Variants in PRKCH observed in about 807,000 individuals in gnomAD.
PRKCH encodes protein kinase C eta, also known as protein kinase C eta type.
In PRKCH, 28 loss-of-function variants were observed where a neutral mutation model predicts 82.5. That is an observed-to-expected ratio of 0.34 (90% CI 0.25 to 0.47). PRKCH has a LOEUF of 0.47. Ranked by LOEUF, PRKCH falls within the 20% of genes least tolerant of loss-of-function variation. PRKCH has a pLI of 1.00. For missense variants in PRKCH, 705 were observed against 881.8 expected (o/e 0.80, Z 2.54); for synonymous variants, 322 against 327.4 (o/e 0.98, Z 0.18).
At chr14:61,471,182 G>A (rs944070472) in intron 9 of PRKCH, among the ~76,000 whole-genome samples, 2 of 152,258 alleles carry the variant, frequency 1.3e-5, no homozygotes, top group African/African-American at 4.8e-5. Context: ...AGTGGCCCAT[G>A]GACCTGCCTG....
rs1247461197 is a variant in PRKCH, at chr14:61,500,247, A to G, written c.1433+14591A>G. Among the ~76,000 whole-genome samples the G allele has an allele frequency of 3.3e-5, 5 of 151,978 alleles. No individual in the cohort carries two copies. In the East Asian group the frequency reaches 9.7e-4, roughly 29 times the overall value. ...GAGACACGGTCTCCCTCTGTTGCCCAGGCTGGAGTGCAGCGGTGCAGCTCA... is the reference window on the plus strand; with the variant it reads ...GAGACACGGTCTCCCTCTGTTGCCCGGGCTGGAGTGCAGCGGTGCAGCTCA... On this transcript the variant is annotated intron_variant, in intron 10 of 13. Transcript: ENST00000332981.
In PRKCH at chr14:61,540,274, C is replaced by T. The variant is rs191337869; in HGVS notation, c.1762-7469C>T. ...CATGAGCCAGCAAAGAAGTACAACA[C>T]AAGGAAACACACAGAGTGCGTGAAT... On this transcript the variant is annotated intron_variant, in intron 12 of 13. Coordinates refer to ENST00000332981, the MANE Select transcript of PRKCH (RefSeq NM_006255.5). Among the ~76,000 whole-genome samples the T allele has an allele frequency of 3.5e-4, 54 of 152,326 alleles. 1 individual carries two copies. The highest frequency in any genetic ancestry group is 6.8e-3 in the Middle Eastern group (2 of 294).
intron 9 of PRKCH, among the ~76,000 whole-genome samples, chr14:61,484,930 C>T (rs1192252615): frequency 6.6e-6 from 1 of 151,668 alleles, no homozygotes; most frequent in Non-Finnish European, 1.5e-5. Flanking sequence ...TGCTATATTG[C>T]CCAGGCTGGT....
chr14:61,366,637 T>C (rs569356127), intron 1 of PRKCH, among the ~76,000 whole-genome samples: 1 of 152,242 alleles, frequency 6.6e-6, no homozygotes, highest in South Asian at 2.1e-4. Flanking sequence ...ATTTCAACTG[T>C]ACTGTTAATT....
intron 9 of PRKCH, among the ~76,000 whole-genome samples, chr14:61,471,679 A>T (rs1293640439): frequency 6.6e-6 from 1 of 152,064 alleles, no homozygotes; most frequent in Non-Finnish European, 1.5e-5. Context: ...ATTAAAAAAA[A>T]AATCACTGAT....
At chr14:61,286,174 AG>A (rs1000572530) in intron 1 of PRKCH, among the ~76,000 whole-genome samples, 1 of 152,226 alleles carries the variant, frequency 6.6e-6, no homozygotes, top group African/African-American at 2.4e-5. Flanking sequence ...ATACTGCTCA[AG>A]ATTGTTGCCT....
chr14:61,463,878 C>T (rs1282898302), intron 9 of PRKCH, among the ~76,000 whole-genome samples: 2 of 152,184 alleles, frequency 1.3e-5, no homozygotes, highest in African/African-American at 4.8e-5. Context: ...CAGGTTGATC[C>T]ATGTTGCAAA....
At chr14:61,526,481 T>G (rs1363412271) in intron 10 of PRKCH, among the ~76,000 whole-genome samples, 2 of 152,248 alleles carry the variant, frequency 1.3e-5, no homozygotes, top group African/African-American at 4.8e-5. Context: ...AGACTTGGTT[T>G]CCATTCCTGG....
At chr14:61,488,575 A>G (rs1300794209) in intron 10 of PRKCH, among the ~76,000 whole-genome samples, 2 of 152,192 alleles carry the variant, frequency 1.3e-5, no homozygotes, top group African/African-American at 4.8e-5. Context: ...TTAGAGTACC[A>G]TTACAGTGTC....
At chr14:61,541,894 A>G (rs1338047817) in intron 12 of PRKCH, among the ~76,000 whole-genome samples, 1 of 152,230 alleles carries the variant, frequency 6.6e-6, no homozygotes, top group Admixed American at 6.5e-5. Context: ...TAAGCACCAT[A>G]CCTGACACCA....
intron 1 of PRKCH, among the ~76,000 whole-genome samples, chr14:61,221,545 TG>T (rs756376047): frequency 1.4e-4 from 21 of 151,968 alleles, no homozygotes; most frequent in Non-Finnish European, 2.9e-4. Context: ...GTGACAGCGA[TG>T]GGGGCATATT....
intron 6 of PRKCH, among the ~76,000 whole-genome samples, chr14:61,452,001 G>T (rs1244692275): frequency 6.6e-6 from 1 of 152,190 alleles, no homozygotes; most frequent in Non-Finnish European, 1.5e-5. Context: ...ATCTTAGCGT[G>T]ACGGTCTCAC....
intron 10 of PRKCH, among the ~76,000 whole-genome samples, chr14:61,510,245 A>G (rs1034216732): frequency 2.0e-5 from 3 of 152,172 alleles, no homozygotes; most frequent in Non-Finnish European, 2.9e-5. Context: ...TTGCCTTTCA[A>G]TAGAAGCCAA....
At chr14:61,248,026 T>C (rs2044903486) in intron 1 of PRKCH, among the ~76,000 whole-genome samples, 1 of 152,224 alleles carries the variant, frequency 6.6e-6, no homozygotes, top group Admixed American at 6.5e-5. Flanking sequence ...GTGGTGCAGC[T>C]GTAAGACTTC....
At chr14:61,228,329 A>C (rs1490486104) in intron 1 of PRKCH, among the ~76,000 whole-genome samples, 1 of 152,210 alleles carries the variant, frequency 6.6e-6, no homozygotes, top group Non-Finnish European at 1.5e-5. Context: ...ACAGCATATT[A>C]ACAACAAGGG....
intron 9 of PRKCH, among the ~76,000 whole-genome samples, chr14:61,469,924 A>G (rs1885424214): frequency 6.6e-6 from 1 of 152,028 alleles, no homozygotes; most frequent in African/African-American, 2.4e-5. Flanking sequence ...CAAAACAGAA[A>G]AGAGTCCCTG....
At chr14:61,323,137 A>G (rs2045652206) in intron 1 of PRKCH, among the ~76,000 whole-genome samples, 1 of 152,084 alleles carries the variant, frequency 6.6e-6, no homozygotes, top group Non-Finnish European at 1.5e-5. Context: ...TGGGTCTGAG[A>G]AGAGGCTGTA....
chr14:61,475,411 G>A (rs1030427603), intron 9 of PRKCH, among the ~76,000 whole-genome samples: 1 of 152,150 alleles, frequency 6.6e-6, no homozygotes, highest in African/African-American at 2.4e-5. Context: ...TTGTTCAAAC[G>A]TTCTTCTCGA....
chr14:61,473,462 CCAAGGCAG>C (rs138211419), intron 9 of PRKCH, among the ~76,000 whole-genome samples: 1 of 152,252 alleles, frequency 6.6e-6, no homozygotes, highest in African/African-American at 2.4e-5. Flanking sequence ...CTTGCCTGCC[CCAAGGCAG>C]CAATCATGGG....
Sources: allele counts gnomAD v4.1 joint callset (sites outside exome capture counted in the v4.1 genomes callset), GRCh38; gene constraint gnomAD v4.1.1; transcripts MANE v1.5; gene names NCBI Gene and HGNC (gene_info 2026-07-23, HGNC 2026-07-21).